Variants in CCDC91 observed in about 807,000 individuals in gnomAD.
The protein encoded by CCDC91 is coiled-coil domain-containing protein 91.
CCDC91 carries 48 observed loss-of-function variants against 63.2 expected under a neutral mutation model. The observed-to-expected ratio is 0.76, with a 90% CI of 0.60 to 0.97. CCDC91 has a LOEUF of 0.97. Ranked by LOEUF, CCDC91 falls within the 50% of genes least tolerant of loss-of-function variation. The pLI is 0.00. For missense variants in CCDC91, 500 were observed against 494.6 expected (o/e 1.01, Z -0.10); for synonymous variants, 167 against 165.8 (o/e 1.01, Z -0.06).
At chr12:28,191,199 C>A (rs942313681) in intron 1 of CCDC91, 6 of 152,254 alleles carry the variant, frequency 3.9e-5, no homozygotes, top group African/African-American at 1.4e-4. Flanking sequence ...AGCACGCCTC[C>A]CTTTCCCAAC....
intron 7 of CCDC91, among the ~76,000 whole-genome samples, chr12:28,390,659 A>G (rs1378259468): frequency 3.3e-5 from 5 of 152,152 alleles, no homozygotes; most frequent in Non-Finnish European, 7.4e-5. Flanking sequence ...CCAATTAAGT[A>G]TGCTCAGCCT....
chr12:28,229,870 A>G (rs901482903), intron 1 of CCDC91, among the ~76,000 whole-genome samples: 11 of 152,264 alleles, frequency 7.2e-5, no homozygotes, highest in African/African-American at 2.6e-4. Flanking sequence ...GGTTGACAAA[A>G]TTAAGAGATG....
intron 7 of CCDC91, among the ~76,000 whole-genome samples, chr12:28,369,987 A>G (rs934568871): frequency 7.2e-5 from 11 of 152,154 alleles, no homozygotes; most frequent in South Asian, 2.1e-4. Context: ...TCTACGGGCT[A>G]TGGGAGGGGC....
At chr12:28,494,939 T>C (rs1000618564) in intron 12 of CCDC91, among the ~76,000 whole-genome samples, 2 of 151,742 alleles carry the variant, frequency 1.3e-5, no homozygotes, top group Non-Finnish European at 2.9e-5. Flanking sequence ...AACTATATTA[T>C]GTGTTTAAGG....
intron 6 of CCDC91, among the ~76,000 whole-genome samples, chr12:28,310,349 GA>G (rs1939190614): frequency 6.6e-6 from 1 of 151,984 alleles, no homozygotes; most frequent in Non-Finnish European, 1.5e-5. Context: ...TTACATTAAT[GA>G]CCAATATAAA....
At chr12:28,426,196 G>T (rs1418857165) in intron 8 of CCDC91, among the ~76,000 whole-genome samples, 1 of 152,096 alleles carries the variant, frequency 6.6e-6, no homozygotes, top group Non-Finnish European at 1.5e-5. Context: ...CCTCTTCTAT[G>T]AGTTAGATAC....
At chr12:28,201,447 G>A (rs2423990) in intron 1 of CCDC91, among the ~76,000 whole-genome samples, 1 of 136,448 alleles carries the variant, frequency 7.3e-6, no homozygotes, top group Admixed American at 7.0e-5. Flanking sequence ...AGGCAGAGAC[G>A]CTCCTCACTT....
intron 3 of CCDC91, among the ~76,000 whole-genome samples, chr12:28,297,670 G>A (rs1045621019): frequency 2.6e-5 from 4 of 151,800 alleles, no homozygotes; most frequent in African/African-American, 9.7e-5. Context: ...TGTTTTTGTG[G>A]AAGTAGGTGT....
chr12:28,537,424 GT>G (rs1211099294), intron 12 of CCDC91, among the ~76,000 whole-genome samples: 1 of 152,078 alleles, frequency 6.6e-6, no homozygotes, highest in Admixed American at 6.5e-5. Context: ...AAATTTTAGT[GT>G]CATTTATTTA....
chr12:28,406,810 A>ATTTTTTTTTTTT lies in CCDC91; in HGVS notation c.762+15408_762+15409insTTTTTTTTTTTT, dbSNP rs375722489. ...TTATATATGGTATCAGATTTTAACT[A>ATTTTTTTTTTTT]TTTTTTTTTGAATATCAATACCCAA... is the stretch of plus-strand genomic sequence containing the variant. On this transcript the variant is annotated intron_variant, in intron 8 of 12. Coordinates refer to ENST00000536442, the MANE Select transcript of CCDC91 (RefSeq NM_018318.5). 1.1e-3 allele frequency among the ~76,000 whole-genome samples: 156 copies of ATTTTTTTTTTTT among 148,160 alleles called. 4 individuals carry two copies. Among genetic ancestry groups the ATTTTTTTTTTTT allele is most frequent in the South Asian group, 2.3e-3 (11 of 4,682 alleles).
chr12:28,291,217 C>A (rs1176639605), intron 3 of CCDC91, among the ~76,000 whole-genome samples: 2 of 152,154 alleles, frequency 1.3e-5, no homozygotes, highest in African/African-American at 4.8e-5. Context: ...ATTTTCTGCA[C>A]CCTGCTGGTT....
chr12:28,522,369 T>C (rs1421031786), intron 12 of CCDC91, among the ~76,000 whole-genome samples: 2 of 152,320 alleles, frequency 1.3e-5, no homozygotes, highest in African/African-American at 2.4e-5. Flanking sequence ...TAGAGATGTT[T>C]ATAGTATTCT....
At position 28,443,578 on chromosome 12, in the gene CCDC91, G is replaced by A. The variant is rs1023738612; in HGVS notation, c.763-6583G>A. 7.9e-5 allele frequency among the ~76,000 whole-genome samples: 12 copies of A among 152,022 alleles called. 1 individual carries two copies. Among genetic ancestry groups the A allele is most frequent in the Admixed American group, 6.5e-4 (10 of 15,274 alleles). ...AATGGAAGCAACAGATGGATGGCAG[G>A]CAACAGAATGTTTGATAGTACTTAA... On this transcript the variant is annotated intron_variant, in intron 8 of 12. Transcript: ENST00000536442.
Position 28,329,269 on chromosome 12 carries a change from T to C in CCDC91, c.576+21520T>C, listed in dbSNP as rs370624156. Among the ~76,000 whole-genome samples the C allele has an allele frequency of 3.3e-5, 5 of 152,292 alleles. No individual in the cohort carries two copies. In the East Asian group the frequency reaches 7.7e-4, roughly 24 times the overall value. Reference sequence around the variant, plus strand: ...GTTGGATTTTAAAGTCTATGTCCTTTGGTTGACTTTCCGTCGTTTTATTCA... The same window carrying C: ...GTTGGATTTTAAAGTCTATGTCCTTCGGTTGACTTTCCGTCGTTTTATTCA... On this transcript the variant is annotated intron_variant, in intron 6 of 12. Transcript: ENST00000536442.
At chr12:28,516,638 C>T (rs1939979978) in intron 12 of CCDC91, among the ~76,000 whole-genome samples, 2 of 151,782 alleles carry the variant, frequency 1.3e-5, no homozygotes, top group Admixed American at 1.3e-4. Context: ...TTTATTTTCT[C>T]ACAGTCTCAC....
At chr12:28,258,655 G>A (rs1165875560) in intron 2 of CCDC91, among the ~76,000 whole-genome samples, 4 of 151,816 alleles carry the variant, frequency 2.6e-5, no homozygotes, top group Non-Finnish European at 4.4e-5. Context: ...GTGTCACTTA[G>A]CTCCTGTGTC....
At chr12:28,401,571 A>C (rs190729942) in intron 8 of CCDC91, among the ~76,000 whole-genome samples, 1 of 152,250 alleles carries the variant, frequency 6.6e-6, no homozygotes, top group Admixed American at 6.5e-5. Context: ...GTGCTGAGGG[A>C]AGAGGGAAGC....
chr12:28,523,025 T>G (rs944220042), intron 12 of CCDC91, among the ~76,000 whole-genome samples: 7 of 152,330 alleles, frequency 4.6e-5, no homozygotes, highest in Non-Finnish European at 7.4e-5. Context: ...AAGTGTGATG[T>G]GTTGCTGAGA....
chr12:28,524,694 G>A (rs563437313), intron 12 of CCDC91, among the ~76,000 whole-genome samples: 1 of 152,098 alleles, frequency 6.6e-6, no homozygotes, highest in South Asian at 2.1e-4. Flanking sequence ...CTTTTTTAAT[G>A]TCTGGTATAA....
Sources: gnomAD v4.1 joint callset for allele counts (sites outside exome capture counted in the v4.1 genomes callset) on GRCh38, gnomAD v4.1.1 for gene constraint, MANE v1.5 for transcripts, NCBI Gene and HGNC (gene_info 2026-07-23, HGNC 2026-07-21) for gene names.